Variants in KIAA1755 observed in about 807,000 individuals in gnomAD.
KIAA1755 encodes KIAA1755.
KIAA1755 carries 68 observed loss-of-function variants against 91.7 expected under a neutral mutation model. That is an observed-to-expected ratio of 0.74 (90% confidence interval 0.61 to 0.91). The LOEUF is 0.91. Ranked by LOEUF, KIAA1755 falls within the 40% of genes least tolerant of loss-of-function variation. The pLI, the probability that KIAA1755 is intolerant of heterozygous loss-of-function variation, is 0.00. For missense variants in KIAA1755, 1,535 were observed against 1,494.4 expected (o/e 1.03, Z -0.45); for synonymous variants, 610 against 604.6 (o/e 1.01, Z -0.13).
chr20:38,225,727 GCTGGCTGGGGT>G lies in KIAA1755; in HGVS notation c.2096_2106del (p.Asp699AlafsTer29), dbSNP rs769944863. 6.2e-7 allele frequency: 1 copy of G among 1,609,284 alleles called. No homozygotes were observed. The highest frequency in any genetic ancestry group is 8.5e-7 in the Non-Finnish European group (1 of 1,177,812). Reference sequence around the variant, plus strand: ...AAGGGGCCTTCCAGGACTGCGGGCAGCTGGCTGGGGTCCACATGGTGGCTGAGGGCCTTCAA... The same window carrying G: ...AAGGGGCCTTCCAGGACTGCGGGCAGCCACATGGTGGCTGAGGGCCTTCAA... On this transcript the variant is annotated frameshift_variant, in exon 8 of 14. Coordinates refer to ENST00000279024, the MANE Select transcript of KIAA1755 (RefSeq NM_001029864.2). LOFTEE classifies it high-confidence loss of function.
Position 38,241,332 on chromosome 20 carries a change from C to A in KIAA1755, c.799G>T (p.Val267Phe), listed in dbSNP as rs1269473941. The A allele has an allele frequency of 6.2e-7, 1 of 1,614,200 alleles. No homozygotes were observed. Among genetic ancestry groups the A allele is most frequent in the East Asian group, 2.2e-5 (1 of 44,876 alleles). The change falls in exon 3 of 14, where the codon GTC becomes TTC. Residue 267 changes from valine to phenylalanine, a missense_variant. Transcript: ENST00000279024. ...TAGTCTCCCTCGAAGTCCTGGCTGA[C>A]CACCTCGTCCATCCTGAAAGCCACC... ...GEVAFRMDEV[V>F]SQDFEGDYVA...
At chr20:38,259,510 C>CGT (rs74179896) in intron 1 of KIAA1755, among the ~76,000 whole-genome samples, 15,815 of 137,120 alleles carry the variant, frequency 0.12, 962 homozygotes, top group Non-Finnish European at 0.15. Flanking sequence ...TGAGTGCCTG[C>CGT]GTGTGTGTGT....
chr20:38,256,389 GC>G (rs1286704547), intron 1 of KIAA1755, among the ~76,000 whole-genome samples: 6 of 152,200 alleles, frequency 3.9e-5, no homozygotes, highest in Non-Finnish European at 8.8e-5. Flanking sequence ...ATCATCATGG[GC>G]CCCTTTCATG....
rs908584167 is a variant in KIAA1755, at chr20:38,218,460, C to T, written c.2557-94G>A. On this transcript the variant is annotated intron_variant, in intron 11 of 13. Coordinates refer to ENST00000279024, the MANE Select transcript of KIAA1755 (RefSeq NM_001029864.2). ...TTCCTTGCAGGCTGAGGTCTTCTGT[C>T]TTCACTCATTCAGTGGCTAGGCCTG... is the stretch of plus-strand genomic sequence containing the variant. The T allele has an allele frequency of 1.4e-4, 215 of 1,522,816 alleles. 3 individuals carry two copies. In the Admixed American group the frequency reaches 4.0e-3, roughly 28 times the overall value. 94.3% of individuals were successfully genotyped at this position (1,522,816 alleles called of 1,614,324 possible).
rs1388493130 is a variant in KIAA1755 at position 38,213,405 on chromosome 20, C to T, written c.3240G>A (p.Val1080=). The T allele has an allele frequency of 6.2e-7, 1 of 1,600,284 alleles. No individual in the cohort carries two copies. Residue 1080 remains valine (V), a synonymous_variant, in exon 14 of 14, where the codon GTG becomes GTA. Transcript: ENST00000279024. ...RRGVAAKGQG[V]SVEVTSKGRW... ...TCCCCTTGGAAGTGACCTCTACACT[C>T]ACACCCTGGCCCTTGGCTGCCACCC...
rs865882791 is a variant in KIAA1755 at position 38,241,263 on chromosome 20, G to A, written c.868C>T (p.Pro290Ser). The stretch of plus-strand genomic sequence containing the variant: ...CTGGATGTGCCTGCCTCCCTACTGG[G>A]AGACTCTCCTCTGCTCTCTTGGGAA... Reference protein sequence around the residue: ...GFSQESRGESPSREAGTSSGC... With the variant: ...GFSQESRGESSSREAGTSSGC... The change falls in exon 3 of 14, where the codon CCC (proline) becomes TCC (serine). Residue 290 changes from proline to serine, a missense_variant. Physicochemically the swap from Pro to Ser is moderately conservative, Grantham distance 74 (BLOSUM62 -1). Transcript: ENST00000279024. The A allele has an allele frequency of 6.2e-7, 1 of 1,614,110 alleles. No individual in the cohort carries two copies. Among genetic ancestry groups the A allele is most frequent in the Non-Finnish European group, 8.5e-7 (1 of 1,180,014 alleles).
At chr20:38,246,375 A>G (rs2076161396) in intron 1 of KIAA1755, among the ~76,000 whole-genome samples, 1 of 149,956 alleles carries the variant, frequency 6.7e-6, no homozygotes, top group African/African-American at 2.4e-5. Flanking sequence ...GCTCTTCCTC[A>G]AGACAGCCTC....
chr20:38,229,722 C>T (rs760223258), intron 5 of KIAA1755, among the ~76,000 whole-genome samples: 2 of 152,218 alleles, frequency 1.3e-5, no homozygotes, highest in Non-Finnish European at 2.9e-5. Context: ...ATCCCTGCCA[C>T]TTGTGCCCAG....
chr20:38,253,577 C>T (rs897723324), intron 1 of KIAA1755, among the ~76,000 whole-genome samples: 23 of 152,210 alleles, frequency 1.5e-4, no homozygotes, highest in Non-Finnish European at 2.8e-4. Context: ...CAGTGTCATA[C>T]CGTATGATCT....
At chr20:38,216,362 G>A (rs1016303819) in intron 13 of KIAA1755, among the ~76,000 whole-genome samples, 11 of 152,222 alleles carry the variant, frequency 7.2e-5, no homozygotes, top group South Asian at 2.1e-4. Context: ...GGCCCCAGGC[G>A]TGAGTTGACC....
Position 38,211,001 on chromosome 20 carries a change from A to C in KIAA1755, c.*2041T>G, listed in dbSNP as rs949349356. On this transcript the variant is annotated 3_prime_UTR_variant, in exon 14 of 14. Coordinates refer to ENST00000279024, the MANE Select transcript of KIAA1755 (RefSeq NM_001029864.2). The stretch of plus-strand genomic sequence containing the variant: ...CCGGGTGTTCCCCAAATGCACCCCC[A>C]CTTTGCTGAGTCACACAGGAAGAGC... The C allele has an allele frequency of 6.6e-6, 1 of 152,192 alleles. No homozygotes were observed. Among genetic ancestry groups the C allele is most frequent in the African/African-American group, 2.4e-5 (1 of 41,428 alleles). The allele number at this position is 152,192 out of a possible 1,614,324, so 9.4% of individuals were successfully genotyped here. A position where few individuals can be genotyped will look rare whatever the true frequency, so the allele number is the denominator to read the frequency against.
Position 38,218,380 on chromosome 20 carries a change from G to A in KIAA1755, c.2557-14C>T. 6.2e-7 allele frequency: 1 copy of A among 1,613,882 alleles called. No homozygotes were observed. The highest frequency in any genetic ancestry group is 8.5e-7 in the Non-Finnish European group (1 of 1,179,946). On this transcript the variant is annotated splice_polypyrimidine_tract_variant and intron_variant, in intron 11 of 13. Transcript: ENST00000279024. ...CCAGTCGCTGACCTGGGGCAGGAGAGGCAGATTTGGACATGAGGGGCTGCT... is the reference window on the plus strand; with the variant it reads ...CCAGTCGCTGACCTGGGGCAGGAGAAGCAGATTTGGACATGAGGGGCTGCT...
chr20:38,246,398 C>T (rs529741806), intron 1 of KIAA1755, among the ~76,000 whole-genome samples: 1 of 151,968 alleles, frequency 6.6e-6, no homozygotes, highest in South Asian at 2.1e-4. Flanking sequence ...TCCCACACCT[C>T]TTGCAGGTCT....
intron 10 of KIAA1755, among the ~76,000 whole-genome samples, chr20:38,220,880 T>G (rs1213426874): frequency 6.6e-6 from 1 of 152,226 alleles, no homozygotes; most frequent in East Asian, 1.9e-4. Context: ...GGGCTGTTTC[T>G]GCACATAATT....
chr20:38,231,449 C>T (rs776886809), intron 4 of KIAA1755, 124 bp from the exon 5 acceptor site: 8 of 1,120,938 alleles, frequency 7.1e-6, no homozygotes, highest in Non-Finnish European at 7.3e-6. Flanking sequence ...TTCTCTCCTT[C>T]TCCTTCTGTG....
At chr20:38,254,683 C>T (rs2076308587) in intron 1 of KIAA1755, among the ~76,000 whole-genome samples, 1 of 151,536 alleles carries the variant, frequency 6.6e-6, no homozygotes, top group African/African-American at 2.4e-5. Context: ...TTACTTTAGG[C>T]ACTGAGACAG....
chr20:38,236,943 T>G (rs1335047912), intron 4 of KIAA1755: 1 of 152,076 alleles, frequency 6.6e-6, no homozygotes, highest in African/African-American at 2.4e-5. Flanking sequence ...AAGATGATCC[T>G]GTAGGAAGGA....
In KIAA1755 at chr20:38,228,214, G is replaced by A. The variant is rs16987188; in HGVS notation, c.1898C>T (p.Ala633Val). Residue 633 changes from alanine (A) to valine (V), a missense_variant, in exon 6 of 14, where the codon GCG becomes GTG. Physicochemically the swap from Ala to Val is moderately conservative, Grantham distance 64. Coordinates refer to ENST00000279024, the MANE Select transcript of KIAA1755 (RefSeq NM_001029864.2). ...PRPEDKAKGLAVLIDARRQPP... is the reference protein window; with the variant it reads ...PRPEDKAKGLVVLIDARRQPP... ...CTGTCTCCTGGCGTCAATCAGGACC[G>A]CCAGCCCCTTGGCTTTATCTTCAGG... 55,711 of 1,601,936 alleles carry A rather than the reference G, an allele frequency of 0.035. 1,343 individuals carry two copies. The highest frequency in any genetic ancestry group is 0.086 in the African/African-American group (6,411 of 74,766).
At chr20:38,218,040 A>T (rs2075583383) in intron 12 of KIAA1755, 1 of 640,212 alleles carries the variant, frequency 1.6e-6, no homozygotes, top group African/African-American at 1.8e-5. Context: ...GGGATTCAGA[A>T]TATTCTTTGG....
Sources: gnomAD v4.1 joint callset for allele counts (sites outside exome capture counted in the v4.1 genomes callset) on GRCh38, gnomAD v4.1.1 for gene constraint, MANE v1.5 for transcripts, NCBI Gene and HGNC (gene_info 2026-07-23, HGNC 2026-07-21) for gene names.